Variants in ZFP69 observed in about 807,000 individuals in gnomAD.
ZFP69 encodes ZFP69 zinc finger protein.
ZFP69 carries 35 observed loss-of-function variants against 48.9 expected under a neutral mutation model. The ratio of observed to expected loss-of-function variants is 0.72; its 90% CI spans 0.55 to 0.95. The LOEUF (loss-of-function observed/expected upper bound fraction) is 0.95. ZFP69 is among the 40% of genes least tolerant of loss of function. The pLI is 0.00. For missense variants in ZFP69, 557 were observed against 638.4 expected (o/e 0.87, Z 1.37); for synonymous variants, 193 against 216.8 (o/e 0.89, Z 0.96).
chr1:40,483,153 A>C (rs1645459538), intron 3 of ZFP69, among the ~76,000 whole-genome samples: 1 of 151,550 alleles, frequency 6.6e-6, no homozygotes, highest in Non-Finnish European at 1.5e-5. Context: ...GAACGTTCTG[A>C]GATGGTGGAA....
At chr1:40,491,425 T>C (rs1276027563) in intron 5 of ZFP69, among the ~76,000 whole-genome samples, 1 of 152,236 alleles carries the variant, frequency 6.6e-6, no homozygotes, top group Non-Finnish European at 1.5e-5. Context: ...TTCATTTTGC[T>C]AGGTATTACC....
At chr1:40,480,093 G>C (rs1286794065) in intron 2 of ZFP69, among the ~76,000 whole-genome samples, 1 of 152,144 alleles carries the variant, frequency 6.6e-6, no homozygotes, top group Non-Finnish European at 1.5e-5. Flanking sequence ...TGTTCTAGCT[G>C]TGTCAGGCAG....
At chr1:40,489,646 T>G (rs925491032) in intron 5 of ZFP69, 22 bp downstream of exon 5, 1 of 1,543,926 alleles carries the variant, frequency 6.5e-7, no homozygotes, top group Admixed American at 2.0e-5. Context: ...TGTGTTAGTC[T>G]GTTTTTGTGT....
At position 40,496,292 on chromosome 1, in the gene ZFP69, A is replaced by G. The variant is rs1645634969; in HGVS notation, c.*233A>G. Reference sequence around the variant, plus strand: ...GAATTCAGCATTATGAAAAATTCATAACAGTTTTTTTCTGATTTCATGGTG... The same window carrying G: ...GAATTCAGCATTATGAAAAATTCATGACAGTTTTTTTCTGATTTCATGGTG... On this transcript the variant is annotated 3_prime_UTR_variant, in exon 6 of 6. Coordinates refer to ENST00000372706, the MANE Select transcript of ZFP69 (RefSeq NM_001320179.2). 1 of 373,964 alleles carries G rather than the reference A, an allele frequency of 2.7e-6. No homozygotes were observed. Among genetic ancestry groups the G allele is most frequent in the Non-Finnish European group, 4.7e-6 (1 of 210,530 alleles). The allele number at this position is 373,964 out of a possible 1,614,324, so 23.2% of individuals were successfully genotyped here.
At chr1:40,486,994 G>A (rs1474439626) in intron 3 of ZFP69, among the ~76,000 whole-genome samples, 3 of 149,536 alleles carry the variant, frequency 2.0e-5, no homozygotes, top group African/African-American at 7.4e-5. Flanking sequence ...GCGAGATCTC[G>A]GCTCACTGCA....
intron 5 of ZFP69, among the ~76,000 whole-genome samples, chr1:40,489,948 C>T (rs1374606339): frequency 6.7e-6 from 1 of 148,264 alleles, no homozygotes; most frequent in East Asian, 2.0e-4. Context: ...TGGCTCACTG[C>T]AACCTCCGCC....
chr1:40,496,112 G>T lies in ZFP69; in HGVS notation c.*53G>T. 6.6e-7 allele frequency: 1 copy of T among 1,507,494 alleles called. No individual in the cohort carries two copies. 93.4% of individuals were successfully genotyped at this position (1,507,494 alleles called of 1,614,324 possible). A position where few individuals can be genotyped will look rare whatever the true frequency, so the allele number is the denominator to read the frequency against. ...GCCAAGTGTAAATTGGTGATTTAGA[G>T]TGCTTTAAAATTTCAGGACTCAGAT... On this transcript the variant is annotated 3_prime_UTR_variant, in exon 6 of 6. Coordinates refer to ENST00000372706, the MANE Select transcript of ZFP69 (RefSeq NM_001320179.2).
At position 40,495,643 on chromosome 1, in the gene ZFP69, G is replaced by T. The variant is rs760455369; in HGVS notation, c.1165G>T (p.Gly389Trp). ...GAAACCTTTTACTTGCAATGAATGT[G>T]GGAAAACCTTTAGACAGATTAGACA... Reference protein sequence around the residue: ...GEKPFTCNECGKTFRQIRHLS... With the variant: ...GEKPFTCNECWKTFRQIRHLS... Residue 389 changes from glycine (G) to tryptophan (W), a missense_variant, in exon 6 of 6, where the codon GGG becomes TGG. Gly to Trp is a radical substitution (Grantham distance 184). Coordinates refer to ENST00000372706, the MANE Select transcript of ZFP69 (RefSeq NM_001320179.2). The T allele has an allele frequency of 6.2e-7, 1 of 1,614,206 alleles. No homozygotes were observed. The highest frequency in any genetic ancestry group is 8.5e-7 in the Non-Finnish European group (1 of 1,180,038).
chr1:40,478,489 G>A (rs941154540), intron 1 of ZFP69, among the ~76,000 whole-genome samples: 1 of 152,062 alleles, frequency 6.6e-6, no homozygotes, highest in Non-Finnish European at 1.5e-5. Flanking sequence ...GTGGTGACGT[G>A]GCTGTCACTG....
chr1:40,489,173 G>T lies in ZFP69; in HGVS notation c.305G>T (p.Arg102Leu). The T allele has an allele frequency of 6.2e-7, 1 of 1,614,110 alleles. No individual in the cohort carries two copies. The highest frequency in any genetic ancestry group is 2.2e-5 in the East Asian group (1 of 44,882). Residue 102 changes from arginine to leucine, a missense_variant, in exon 4 of 6, where the codon CGA becomes CTA. Physicochemically the swap from Arg to Leu is moderately radical, Grantham distance 102. Transcript: ENST00000372706. ...QLAPAHQNLY[R>L]EVMLENYSNL... Reference sequence around the variant, plus strand: ...GCTCCTGCTCACCAGAATCTATACCGAGAGGTGATGCTGGAGAACTACAGC... The same window carrying T: ...GCTCCTGCTCACCAGAATCTATACCTAGAGGTGATGCTGGAGAACTACAGC...
chr1:40,492,597 T>G (rs1256774796), intron 5 of ZFP69, among the ~76,000 whole-genome samples: 2 of 152,210 alleles, frequency 1.3e-5, no homozygotes, highest in East Asian at 3.9e-4. Flanking sequence ...TGGATCCTTG[T>G]TGTTCTATTT....
At position 40,481,320 on chromosome 1, in the gene ZFP69, A is replaced by T. The variant is rs562635866; in HGVS notation, c.128-443A>T. Among the ~76,000 whole-genome samples the T allele has an allele frequency of 9.1e-4, 139 of 152,242 alleles. 2 individuals carry two copies. The South Asian group carries it at 0.027, about 30-fold the overall frequency. Reference sequence around the variant, plus strand: ...TGTGTCCCAGGTATAAAGTAGCAGTACCCATTGTTGAGAAAATATGCTTTG... The same window carrying T: ...TGTGTCCCAGGTATAAAGTAGCAGTTCCCATTGTTGAGAAAATATGCTTTG... On this transcript the variant is annotated intron_variant, in intron 2 of 5. Coordinates refer to ENST00000372706, the MANE Select transcript of ZFP69 (RefSeq NM_001320179.2).
intron 3 of ZFP69, among the ~76,000 whole-genome samples, chr1:40,486,575 T>C (rs1386092842): frequency 8.2e-6 from 1 of 122,490 alleles, no homozygotes; most frequent in East Asian, 2.7e-4. Flanking sequence ...TGCGCCACCA[T>C]GCCTGGCTAA....
chr1:40,489,336 C>A, intron 4 of ZFP69, 122 bp downstream of exon 4: 1 of 1,373,312 alleles, frequency 7.3e-7, no homozygotes. Flanking sequence ...ATGTCTTATT[C>A]CCTTTGAAAA....
chr1:40,494,970 T>C lies in ZFP69; in HGVS notation c.492T>C (p.Ile164=), dbSNP rs114200389. The change falls in exon 6 of 6, where the codon ATT becomes ATC. Residue 164 remains isoleucine, a synonymous_variant. Transcript: ENST00000372706. ...TTGAGTCAACTGCAAAGAGTACCAT[T>C]TCACAGGAGCGCTTATATCATGGCA... ...ETIESTAKST[I]SQERLYHGIM... The C allele has an allele frequency of 8.1e-6, 13 of 1,613,732 alleles. No individual in the cohort carries two copies. In the East Asian group the frequency reaches 2.9e-4, roughly 36 times the overall value.
In ZFP69 at chr1:40,494,901, C is replaced by CT; in HGVS notation, c.443-13dup. On this transcript the variant is annotated intron_variant, in intron 5 of 5. Transcript: ENST00000372706. ...CCACTACAGTAATTGGTTTTTAAAG[C>CT]TTTTTTTCATTTCTTTCAGACTTGA... is the stretch of plus-strand genomic sequence containing the variant. 6.3e-7 allele frequency: 1 copy of CT among 1,587,634 alleles called. No homozygotes were observed. The highest frequency in any genetic ancestry group is 8.5e-7 in the Non-Finnish European group (1 of 1,170,284).
intron 5 of ZFP69, among the ~76,000 whole-genome samples, chr1:40,493,960 T>A (rs1386156333): frequency 6.6e-6 from 1 of 152,196 alleles, no homozygotes; most frequent in African/African-American, 2.4e-5. Flanking sequence ...CTCCTTTGTA[T>A]AAGTAATACT....
chr1:40,486,394 CTTCCTCCCTCCT>C (rs1645497241), intron 3 of ZFP69, among the ~76,000 whole-genome samples: 2 of 150,776 alleles, frequency 1.3e-5, no homozygotes, highest in Admixed American at 6.6e-5. Context: ...CCCTTCCTCC[CTTCCTCCCTCCT>C]TTCCTCCCTC....
chr1:40,494,497 T>C (rs1356132311), intron 5 of ZFP69, among the ~76,000 whole-genome samples: 2 of 146,234 alleles, frequency 1.4e-5, no homozygotes, highest in Non-Finnish European at 3.0e-5. Flanking sequence ...CTCGATCTCC[T>C]GACCTCGTGA....
Sources: gnomAD v4.1 joint callset for allele counts (sites outside exome capture counted in the v4.1 genomes callset) on GRCh38, gnomAD v4.1.1 for gene constraint, MANE v1.5 for transcripts, NCBI Gene and HGNC (gene_info 2026-07-23, HGNC 2026-07-21) for gene names.